Variants in CPEB3 observed in about 807,000 individuals in gnomAD.
CPEB3 encodes the protein cytoplasmic polyadenylation element-binding protein 3.
CPEB3 carries 20 observed loss-of-function variants against 67.2 expected under a neutral mutation model. The ratio of observed to expected loss-of-function variants is 0.30; its 90% CI spans 0.21 to 0.43. The LOEUF (loss-of-function observed/expected upper bound fraction) is 0.43. Among genes scored for constraint, CPEB3 ranks in the 20% least tolerant of loss-of-function variants. The pLI is 1.00. For missense variants in CPEB3, 746 were observed against 968.6 expected (o/e 0.77, Z 3.05); for synonymous variants, 376 against 393.1 (o/e 0.96, Z 0.51).
intron 8 of CPEB3, among the ~76,000 whole-genome samples, chr10:92,091,432 GCA>G (rs1173156758): frequency 6.6e-6 from 1 of 151,472 alleles, no homozygotes; most frequent in African/African-American, 2.4e-5. Flanking sequence ...AAATCCAGCA[GCA>G]CAATTATTTC....
intron 4 of CPEB3, among the ~76,000 whole-genome samples, chr10:92,152,412 T>C (rs1417747746): frequency 6.6e-6 from 1 of 152,248 alleles, no homozygotes; most frequent in Non-Finnish European, 1.5e-5. Context: ...TGAGATTGGC[T>C]TCTTTCACTT....
intron 1 of CPEB3, among the ~76,000 whole-genome samples, chr10:92,249,196 G>A (rs773173428): frequency 3.9e-5 from 6 of 151,964 alleles, no homozygotes; most frequent in Non-Finnish European, 7.4e-5. Flanking sequence ...GGCCAACATG[G>A]TGAAACCCCA....
chr10:92,132,504 A>G (rs1206840304), intron 6 of CPEB3, among the ~76,000 whole-genome samples: 2 of 152,214 alleles, frequency 1.3e-5, no homozygotes, highest in African/African-American at 4.8e-5. Context: ...ATAAATATTC[A>G]GAAAACACAA....
At chr10:92,232,181 T>G (rs558939644) in intron 2 of CPEB3, among the ~76,000 whole-genome samples, 158 of 150,104 alleles carry the variant, frequency 1.1e-3, no homozygotes, top group African/African-American at 3.6e-3. Context: ...ACCTCCCGAG[T>G]AGCTGGGATT....
chr10:92,203,599 G>A (rs1849641319), intron 2 of CPEB3, among the ~76,000 whole-genome samples: 2 of 150,450 alleles, frequency 1.3e-5, no homozygotes, highest in South Asian at 4.2e-4. Context: ...TGTATTTTTA[G>A]TACAGACGAG....
At chr10:92,076,085 G>C (rs1842921775) in intron 9 of CPEB3, among the ~76,000 whole-genome samples, 1 of 152,162 alleles carries the variant, frequency 6.6e-6, no homozygotes, top group South Asian at 2.1e-4. Flanking sequence ...CTCTCCTTAA[G>C]GGATAAGGGC....
rs1590195148 is a variant in CPEB3 at position 92,125,778 on chromosome 10, T to A, written c.1454-14584A>T. Among the ~76,000 whole-genome samples the A allele has an allele frequency of 3.3e-5, 5 of 151,690 alleles. No homozygotes were observed. In the South Asian group the frequency reaches 8.3e-4, roughly 25 times the overall value. On this transcript the variant is annotated intron_variant, in intron 6 of 9. Transcript: ENST00000265997. ...CTCGGTTGCCCAGGCTGGAGTGTAG[T>A]GTGGCACAATCTCGGCTTACTGCAG...
At chr10:92,183,162 CAT>C (rs1848537758) in intron 3 of CPEB3, among the ~76,000 whole-genome samples, 1 of 151,982 alleles carries the variant, frequency 6.6e-6, no homozygotes, top group African/African-American at 2.4e-5. Context: ...ATTAAAAAGC[CAT>C]ATGAGTAAAA....
chr10:92,127,271 C>T (rs1324753467), intron 6 of CPEB3, among the ~76,000 whole-genome samples: 1 of 152,076 alleles, frequency 6.6e-6, no homozygotes, highest in Non-Finnish European at 1.5e-5. Flanking sequence ...CCCATCTCTA[C>T]TAACTAAATA....
At chr10:92,252,549 T>C in intron 1 of CPEB3, among the ~76,000 whole-genome samples, 1 of 152,088 alleles carries the variant, frequency 6.6e-6, no homozygotes, top group South Asian at 2.1e-4. Context: ...TGTAATAGAA[T>C]GGATAAATAA....
At chr10:92,271,635 A>G (rs987066684) in intron 1 of CPEB3, among the ~76,000 whole-genome samples, 2 of 152,232 alleles carry the variant, frequency 1.3e-5, no homozygotes, top group African/African-American at 2.4e-5. Flanking sequence ...CGTCCTTCTC[A>G]GAGCATCATA....
intron 9 of CPEB3, among the ~76,000 whole-genome samples, chr10:92,075,742 T>C (rs1229597133): frequency 6.6e-6 from 1 of 152,180 alleles, no homozygotes; most frequent in Non-Finnish European, 1.5e-5. Flanking sequence ...AAAAAGTCTC[T>C]AAGATGGTGA....
intron 8 of CPEB3, among the ~76,000 whole-genome samples, chr10:92,086,127 G>T (rs980015818): frequency 6.6e-6 from 1 of 152,022 alleles, no homozygotes; most frequent in East Asian, 1.9e-4. Context: ...TAACACATTC[G>T]TCTCTACAGA....
chr10:92,278,079 C>T (rs1012279385), intron 1 of CPEB3, among the ~76,000 whole-genome samples: 7 of 148,818 alleles, frequency 4.7e-5, no homozygotes, highest in South Asian at 4.3e-4. Context: ...CCAGTTACTC[C>T]GGAAGCTGAG....
chr10:92,250,791 G>T (rs1195476065), intron 1 of CPEB3, among the ~76,000 whole-genome samples: 2 of 150,872 alleles, frequency 1.3e-5, no homozygotes, highest in African/African-American at 2.4e-5. Flanking sequence ...CCAGGTTCAA[G>T]CAATTCTCAT....
At chr10:92,142,311 T>C (rs1846474605) in intron 6 of CPEB3, among the ~76,000 whole-genome samples, 1 of 152,220 alleles carries the variant, frequency 6.6e-6, no homozygotes, top group Admixed American at 6.5e-5. Context: ...ATGAAATGTA[T>C]CCTTGAAGCA....
intron 6 of CPEB3, among the ~76,000 whole-genome samples, chr10:92,116,927 G>C (rs1383206494): frequency 6.6e-6 from 1 of 152,180 alleles, no homozygotes; most frequent in Non-Finnish European, 1.5e-5. Flanking sequence ...GCAATTTTCT[G>C]GGAGAAAAAG....
chr10:92,212,326 C>T (rs1850138260), intron 2 of CPEB3, among the ~76,000 whole-genome samples: 1 of 151,140 alleles, frequency 6.6e-6, no homozygotes, highest in Non-Finnish European at 1.5e-5. Context: ...CTTCAGCTCA[C>T]TGCAACCTCC....
intron 6 of CPEB3, among the ~76,000 whole-genome samples, chr10:92,118,379 G>A (rs1233539119): frequency 5.3e-5 from 8 of 151,986 alleles, no homozygotes; most frequent in East Asian, 1.9e-4. Context: ...TGATCCACCC[G>A]CCCCAGCCTC....
Sources: allele counts gnomAD v4.1 joint callset (sites outside exome capture counted in the v4.1 genomes callset), GRCh38; gene constraint gnomAD v4.1.1; transcripts MANE v1.5; gene names NCBI Gene and HGNC (gene_info 2026-07-23, HGNC 2026-07-21).